The following LAMA1 variants were observed in gnomAD, a reference collection of about 807,000 sequenced individuals.
LAMA1 encodes laminin subunit alpha 1, also known as laminin subunit alpha-1.
Under a neutral mutation model 348.7 loss-of-function variants are expected in LAMA1, and 219 were observed. That is an observed-to-expected ratio of 0.63 (90% confidence interval 0.56 to 0.70). LAMA1 has a LOEUF of 0.70. LAMA1 is among the 30% of genes least tolerant of loss of function. The pLI, the probability that LAMA1 is intolerant of heterozygous loss-of-function variation, is 0.00. For missense variants in LAMA1, 3,744 were observed against 3,888.0 expected (o/e 0.96, Z 0.99); for synonymous variants, 1,487 against 1,491.0 (o/e 1.00, Z 0.06).
Position 7,037,594 on chromosome 18 carries a change from G to A in LAMA1, c.1721C>T (p.Ala574Val). Residue 574 changes from alanine (A) to valine (V), a missense_variant, in exon 12 of 63, where the codon GCC (alanine) becomes GTC (valine). Transcript: ENST00000389658. ...CACACGCACCTTATTTCCAAGGTAG[G>A]CCTCGGGGGCTGCCCAGTAGTACTT... The part of the protein sequence containing the change: ...APKYYWAAPE[A>V]YLGNKLTAFG... 6.2e-7 allele frequency: 1 copy of A among 1,613,982 alleles called. No individual in the cohort carries two copies.
At position 7,011,345 on chromosome 18, in the gene LAMA1, T is replaced by C. The variant is rs750446780; in HGVS notation, c.3642A>G (p.Ala1214=). ...GCGGCAGCCGCCAGTAAAACGGCTCTGCACGGATGTGCTGCCGGACGGTGG... is the reference window on the plus strand; with the variant it reads ...GCGGCAGCCGCCAGTAAAACGGCTCCGCACGGATGTGCTGCCGGACGGTGG... ...DAATVRQHIR[A]EPFYWRLPQQ... Residue 1214 remains alanine (A), a synonymous_variant, in exon 25 of 63, where the codon GCA becomes GCG. Coordinates refer to ENST00000389658, the MANE Select transcript of LAMA1 (RefSeq NM_005559.4). The C allele has an allele frequency of 8.7e-6, 14 of 1,612,490 alleles. No individual in the cohort carries two copies. In the Admixed American group the frequency reaches 2.0e-4, roughly 23 times the overall value.
intron 30 of LAMA1, among the ~76,000 whole-genome samples, chr18:7,001,496 G>C (rs1367947085): frequency 1.3e-5 from 2 of 152,130 alleles, no homozygotes; most frequent in Non-Finnish European, 2.9e-5. Flanking sequence ...TTCATAGCTT[G>C]CAAGGGAAGT....
chr18:7,085,723 T>A (rs2058214670), intron 1 of LAMA1, among the ~76,000 whole-genome samples: 1 of 152,120 alleles, frequency 6.6e-6, no homozygotes, highest in South Asian at 2.1e-4. Flanking sequence ...TGGCCTATTT[T>A]ACCCTTAATC....
chr18:7,098,722 G>A (rs1321263802), intron 1 of LAMA1, among the ~76,000 whole-genome samples: 2 of 145,514 alleles, frequency 1.4e-5, no homozygotes, highest in African/African-American at 2.6e-5. Flanking sequence ...GGAGGTGGGG[G>A]GGTCAGCCCC....
chr18:6,999,476 C>T lies in LAMA1; in HGVS notation c.4632G>A (p.Pro1544=), dbSNP rs771177748. The change falls in exon 32 of 63, where the codon CCG becomes CCA. Residue 1544 remains proline (P), a synonymous_variant. Coordinates refer to ENST00000389658, the MANE Select transcript of LAMA1 (RefSeq NM_005559.4). ...AATCTGTTTCCATCAGAATGTGCCT[C>T]GGTTCACACTCATCGCACCGGAGCC... ...ASGLRCDECE[P]RHILMETDCV... 17 of 1,614,050 alleles carry T rather than the reference C, an allele frequency of 1.1e-5. No individual in the cohort carries two copies. The highest frequency in any genetic ancestry group is 1.4e-5 in the Non-Finnish European group (16 of 1,180,052).
At chr18:6,976,808 T>C (rs1198216875) in intron 44 of LAMA1, among the ~76,000 whole-genome samples, 1 of 151,926 alleles carries the variant, frequency 6.6e-6, no homozygotes, top group Non-Finnish European at 1.5e-5. Context: ...CAGGATCTTA[T>C]TATGTTTCCT....
In LAMA1 at chr18:7,096,551, A is replaced by T. The variant is rs539202100; in HGVS notation, c.62-16094T>A. On this transcript the variant is annotated intron_variant, in intron 1 of 62. Transcript: ENST00000389658. ...GTGTCTGTAGTCCCAGCTACTCAGG[A>T]AGCTGAAGTGGGAAGATCTCTTGAG... Among the ~76,000 whole-genome samples, 7 of 152,030 alleles carry T rather than the reference A, an allele frequency of 4.6e-5. No homozygotes were observed. The South Asian group carries it at 1.5e-3, about 32-fold the overall frequency.
intron 3 of LAMA1, among the ~76,000 whole-genome samples, chr18:7,067,664 A>C (rs1228387775): frequency 6.6e-6 from 1 of 152,120 alleles, no homozygotes; most frequent in East Asian, 1.9e-4. Flanking sequence ...TGTGCATTTC[A>C]CTATATGTCA....
intron 36 of LAMA1, 136 bp from the exon 37 acceptor site, chr18:6,986,483 T>C (rs1027929108): frequency 1.3e-6 from 1 of 754,714 alleles, no homozygotes; most frequent in Non-Finnish European, 2.2e-6. Context: ...CATAACTTCT[T>C]AAGAATGGAA....
At chr18:7,067,304 T>C (rs1233540945) in intron 3 of LAMA1, among the ~76,000 whole-genome samples, 2 of 151,488 alleles carry the variant, frequency 1.3e-5, no homozygotes, top group Non-Finnish European at 2.9e-5. Flanking sequence ...GCTATATCCA[T>C]AAAGTGAAAT....
Position 7,032,125 on chromosome 18 carries a change from A to T in LAMA1, c.2215T>A (p.Cys739Ser), listed in dbSNP as rs956088924. The change falls in exon 16 of 63, where the codon TGT becomes AGT. Residue 739 changes from cysteine to serine, a missense_variant. By Grantham distance (112) the Cys-to-Ser change is moderately radical (BLOSUM62 -1). Around this residue, in one of 3 missense-constraint regions of LAMA1, gnomAD observed 1,529 missense variants for 1,689.4 expected, o/e 0.91. Transcript: ENST00000389658. ...TGGCCGTGGCATTCACAGGGTTGAC[A>T]AATTCCTCCAAAGAGTATTCCATCC... ...RVDGILFGGI[C>S]QPCECHGHAA... 1 of 1,614,234 alleles carries T rather than the reference A, an allele frequency of 6.2e-7. No homozygotes were observed. Among genetic ancestry groups the T allele is most frequent in the Middle Eastern group, 1.6e-4 (1 of 6,062 alleles).
intron 7 of LAMA1, among the ~76,000 whole-genome samples, chr18:7,043,916 G>A (rs2058031126): frequency 1.3e-5 from 2 of 152,172 alleles, no homozygotes; most frequent in South Asian, 4.1e-4. Context: ...AGCACTTTGG[G>A]AGGCCGAGGC....
At chr18:7,098,567 T>A (rs2058274081) in intron 1 of LAMA1, among the ~76,000 whole-genome samples, 2 of 148,112 alleles carry the variant, frequency 1.4e-5, no homozygotes. Context: ...GAGGAGCATC[T>A]CTGCCCGGCC....
At chr18:6,990,066 G>C (rs1203849201) in intron 36 of LAMA1, among the ~76,000 whole-genome samples, 1 of 152,138 alleles carries the variant, frequency 6.6e-6, no homozygotes, top group East Asian at 1.9e-4. Flanking sequence ...GGTTAATCAT[G>C]TTCAAGTCAT....
intron 38 of LAMA1, 45 bp from the exon 39 acceptor site, chr18:6,985,445 A>T: frequency 6.2e-7 from 1 of 1,602,544 alleles, no homozygotes; most frequent in Non-Finnish European, 8.6e-7. Flanking sequence ...CATCTACTTA[A>T]TAACAGATAT....
chr18:7,017,689 T>C (rs528602509), intron 19 of LAMA1, among the ~76,000 whole-genome samples: 1 of 152,184 alleles, frequency 6.6e-6, no homozygotes, highest in South Asian at 2.1e-4. Context: ...CAAATTCCCA[T>C]GAAAAACATG....
chr18:6,966,069 C>T, intron 49 of LAMA1, 78 bp downstream of exon 49: 3 of 1,511,290 alleles, frequency 2.0e-6, no homozygotes, highest in Non-Finnish European at 2.7e-6. Context: ...TTAGTAAATC[C>T]TCATTAAACA....
chr18:6,956,489 C>G (rs778132292), intron 56 of LAMA1, 147 bp downstream of exon 56: 1 of 1,363,598 alleles, frequency 7.3e-7, no homozygotes, highest in Admixed American at 1.7e-5. Context: ...TCCCTGTCCC[C>G]GCTCTGATTT....
rs562628689 is a variant in LAMA1 at position 7,066,447 on chromosome 18, G to T, written c.345+13528C>A. On this transcript the variant is annotated intron_variant, in intron 3 of 62. Transcript: ENST00000389658. ...AGAGTCAAATCGGTTCTTTCTCTTT[G>T]GTTAGAATATGACTTGAAAAGTCTG... 2.0e-5 allele frequency among the ~76,000 whole-genome samples: 3 copies of T among 152,190 alleles called. No individual in the cohort carries two copies. The South Asian group carries it at 6.2e-4, about 32-fold the overall frequency.
Sources: gnomAD v4.1 joint callset for allele counts (sites outside exome capture counted in the v4.1 genomes callset) on GRCh38, gnomAD v4.1.1 for gene constraint, gnomAD v4.1.1 regional missense constraint, MANE v1.5 for transcripts, NCBI Gene and HGNC (gene_info 2026-07-23, HGNC 2026-07-21) for gene names.